The following FOXJ3 variants were observed in gnomAD, a reference collection of about 807,000 sequenced individuals.
The protein encoded by FOXJ3 is forkhead box J3.
FOXJ3 carries 22 observed loss-of-function variants against 76.1 expected under a neutral mutation model. That is an observed-to-expected ratio of 0.29 (90% CI 0.21 to 0.41). The LOEUF (loss-of-function observed/expected upper bound fraction) is 0.41. Ranked by LOEUF, FOXJ3 falls within the 10% of genes least tolerant of loss-of-function variation. FOXJ3 has a pLI of 1.00. For synonymous variants in FOXJ3, 269 were observed against 261.2 expected (o/e 1.03, Z -0.29); for missense variants, 613 against 762.1 (o/e 0.80, Z 2.30).
chr1:42,210,771 C>G (rs1646952103), intron 5 of FOXJ3, among the ~76,000 whole-genome samples: 1 of 152,122 alleles, frequency 6.6e-6, no homozygotes. Flanking sequence ...GGTGCTGGTA[C>G]CCGCTGCTGG....
intron 5 of FOXJ3, among the ~76,000 whole-genome samples, chr1:42,217,554 T>C (rs1373856056): frequency 2.6e-5 from 4 of 151,914 alleles, no homozygotes; most frequent in Non-Finnish European, 2.9e-5. Context: ...TACAATACCA[T>C]TGAAAAACAA....
At chr1:42,278,906 A>G (rs1652489593) in intron 2 of FOXJ3, among the ~76,000 whole-genome samples, 1 of 152,194 alleles carries the variant, frequency 6.6e-6, no homozygotes, top group Non-Finnish European at 1.5e-5. Flanking sequence ...AAAATTGTTT[A>G]AAATACAGAA....
At chr1:42,235,770 C>T (rs1391355713) in intron 4 of FOXJ3, among the ~76,000 whole-genome samples, 1 of 152,082 alleles carries the variant, frequency 6.6e-6, no homozygotes, top group Non-Finnish European at 1.5e-5. Context: ...ACCATGTTGG[C>T]TAGGCTGATT....
At chr1:42,231,675 CTATTTT>C (rs1019953276) in intron 4 of FOXJ3, among the ~76,000 whole-genome samples, 3 of 151,826 alleles carry the variant, frequency 2.0e-5, no homozygotes, top group Admixed American at 1.3e-4. Flanking sequence ...TCAGCCGTTT[CTATTTT>C]TATTTTTTTT....
At chr1:42,181,352 T>G (rs1646313968) in intron 12 of FOXJ3, among the ~76,000 whole-genome samples, 1 of 152,190 alleles carries the variant, frequency 6.6e-6, no homozygotes, top group South Asian at 2.1e-4. Context: ...GAAAAGTGTA[T>G]GAACCACTTA....
intron 2 of FOXJ3, among the ~76,000 whole-genome samples, chr1:42,301,410 C>T (rs1204369983): frequency 5.3e-5 from 8 of 152,014 alleles, no homozygotes; most frequent in Non-Finnish European, 1.5e-5. Context: ...CCATGTTGGC[C>T]AGGCTGGTCT....
intron 4 of FOXJ3, among the ~76,000 whole-genome samples, chr1:42,239,035 C>T (rs1454987917): frequency 6.6e-6 from 1 of 152,116 alleles, no homozygotes; most frequent in Non-Finnish European, 1.5e-5. Flanking sequence ...AAATGTATCC[C>T]TAAAGTATTT....
chr1:42,242,297 T>C (rs555681000), intron 4 of FOXJ3, among the ~76,000 whole-genome samples: 3 of 150,800 alleles, frequency 2.0e-5, no homozygotes, highest in Admixed American at 1.3e-4. Flanking sequence ...GAAAAGAAAT[T>C]TGAAATAATA....
intron 3 of FOXJ3, among the ~76,000 whole-genome samples, chr1:42,272,694 C>T (rs1387540707): frequency 6.6e-6 from 1 of 152,142 alleles, no homozygotes; most frequent in Non-Finnish European, 1.5e-5. Flanking sequence ...GGCTGGCTAT[C>T]GGCAAGGAGT....
chr1:42,239,209 CTTACA>C (rs1648938070), intron 4 of FOXJ3, among the ~76,000 whole-genome samples: 1 of 152,108 alleles, frequency 6.6e-6, no homozygotes, highest in South Asian at 2.1e-4. Flanking sequence ...TAAAGACAAG[CTTACA>C]TTATTCTTTT....
intron 4 of FOXJ3, among the ~76,000 whole-genome samples, chr1:42,228,922 TATCTC>T (rs1271411998): frequency 4.6e-5 from 7 of 152,166 alleles, no homozygotes; most frequent in African/African-American, 1.7e-4. Flanking sequence ...TCACCTCTAC[TATCTC>T]ATTAATCTTC....
chr1:42,297,080 A>G (rs1653835932), intron 2 of FOXJ3, among the ~76,000 whole-genome samples: 1 of 151,890 alleles, frequency 6.6e-6, no homozygotes, highest in Non-Finnish European at 1.5e-5. Flanking sequence ...GTCTACTGTA[A>G]ATGGGATTGG....
At chr1:42,212,959 AAAAAAAAAAAAAC>A (rs953326104) in intron 5 of FOXJ3, among the ~76,000 whole-genome samples, 7 of 145,502 alleles carry the variant, frequency 4.8e-5, no homozygotes, top group South Asian at 2.1e-4. Context: ...GTATCTAGCA[AAAAAAAAAAAAAC>A]AAAAAAAAAA....
intron 2 of FOXJ3, among the ~76,000 whole-genome samples, chr1:42,305,547 C>T (rs7553112): frequency 0.7 from 105,858 of 152,096 alleles, 37,660 homozygotes; most frequent in Admixed American, 0.79. Context: ...CATATATACA[C>T]GAGATCCTGT....
chr1:42,222,391 C>A (rs1282421019), intron 5 of FOXJ3, among the ~76,000 whole-genome samples: 1 of 152,132 alleles, frequency 6.6e-6, no homozygotes, highest in Non-Finnish European at 1.5e-5. Context: ...AATTTATCAT[C>A]CACAAGCTAT....
chr1:42,181,139 G>A (rs979091339), intron 12 of FOXJ3, among the ~76,000 whole-genome samples: 1 of 152,160 alleles, frequency 6.6e-6, no homozygotes, highest in Non-Finnish European at 1.5e-5. Context: ...GGATTGTGTG[G>A]TATGTGAGAA....
chr1:42,321,658 A>T (rs539471990), intron 1 of FOXJ3, among the ~76,000 whole-genome samples: 12 of 152,294 alleles, frequency 7.9e-5, no homozygotes, highest in African/African-American at 2.9e-4. Flanking sequence ...TTGTTGGAGA[A>T]ATGAAAATTC....
At chr1:42,288,390 G>A (rs1456456887) in intron 2 of FOXJ3, among the ~76,000 whole-genome samples, 3 of 152,150 alleles carry the variant, frequency 2.0e-5, no homozygotes, top group African/African-American at 7.2e-5. Context: ...ACCTCTGTTT[G>A]CAACCATACT....
chr1:42,254,176 AAAG>A (rs1476843741), intron 4 of FOXJ3, among the ~76,000 whole-genome samples: 1 of 152,104 alleles, frequency 6.6e-6, no homozygotes, highest in Non-Finnish European at 1.5e-5. Context: ...ACACTCCTCA[AAAG>A]AAGACATTTA....
Sources: allele counts gnomAD v4.1 joint callset (sites outside exome capture counted in the v4.1 genomes callset), GRCh38; gene constraint gnomAD v4.1.1; transcripts MANE v1.5; gene names NCBI Gene and HGNC (gene_info 2026-07-23, HGNC 2026-07-21).